Variants in ATP2C2 observed in about 807,000 individuals in gnomAD.
ATP2C2 encodes the protein ATPase secretory pathway Ca2+ transporting 2, also known as calcium-transporting ATPase type 2C member 2.
A neutral mutation model predicts 110.8 loss-of-function variants in ATP2C2; 171 were observed. The ratio of observed to expected loss-of-function variants is 1.54; its 90% CI spans 1.36 to 1.75. The LOEUF (loss-of-function observed/expected upper bound fraction) is 1.75, where lower values mean the gene tolerates loss of function less well. Among genes scored for constraint, ATP2C2 ranks in the 40% most tolerant of loss-of-function variants. The pLI, the probability that ATP2C2 is intolerant of heterozygous loss-of-function variation, is 0.00. For missense variants in ATP2C2, 1,963 were observed against 1,235.0 expected (o/e 1.59, Z -8.84); for synonymous variants, 804 against 508.4 (o/e 1.58, Z -7.82).
In ATP2C2 at chr16:84,408,637, C is replaced by G. The variant is rs952725950; in HGVS notation, c.417+143C>G. On this transcript the variant is annotated intron_variant, in intron 4 of 26. Transcript: ENST00000262429. ...ACAGAAGAAAGAAAGGAAAGCAAAT[C>G]CACATCCTTCTTTACCCTAATATCA... 9.1e-6 allele frequency: 6 copies of G among 657,700 alleles called. No individual in the cohort carries two copies. In the Admixed American group the frequency reaches 1.7e-4, roughly 19 times the overall value. The allele number at this position is 657,700 out of a possible 1,614,324, so 40.7% of individuals were successfully genotyped here. A position where few individuals can be genotyped will look rare whatever the true frequency, so the allele number is the denominator to read the frequency against.
intron 15 of ATP2C2, among the ~76,000 whole-genome samples, chr16:84,444,160 C>G (rs1295827732): frequency 3.1e-5 from 2 of 64,828 alleles, no homozygotes; most frequent in Non-Finnish European, 5.8e-5. Context: ...GAGATCCTGC[C>G]TCAAAAAAAA....
intron 17 of ATP2C2, among the ~76,000 whole-genome samples, chr16:84,450,096 G>A (rs938830973): frequency 7.2e-5 from 11 of 152,258 alleles, no homozygotes; most frequent in African/African-American, 2.4e-4. Flanking sequence ...GCGGGAGAGC[G>A]TAATGAGAAC....
chr16:84,453,294 C>T lies in ATP2C2; in HGVS notation c.1930-27C>T, dbSNP rs754656875. The T allele has an allele frequency of 4.3e-6, 7 of 1,613,990 alleles. 1 individual carries two copies. The highest frequency in any genetic ancestry group is 2.7e-5 in the African/African-American group (2 of 74,880). ...TGGGTCACAGCTTTGAAATCTGATT[C>T]TTCGTCTTCCCCGTCTCCGTGTCCA... is the stretch of plus-strand genomic sequence containing the variant. On this transcript the variant is annotated intron_variant, in intron 19 of 26. Coordinates refer to ENST00000262429, the MANE Select transcript of ATP2C2 (RefSeq NM_014861.4).
intron 11 of ATP2C2, among the ~76,000 whole-genome samples, chr16:84,436,410 C>T (rs540305792): frequency 6.6e-6 from 1 of 152,108 alleles, no homozygotes; most frequent in Non-Finnish European, 1.5e-5. Flanking sequence ...ATTTCCTGGG[C>T]AGCCTGGCCC....
At chr16:84,438,381 C>A (rs973718898) in intron 11 of ATP2C2, among the ~76,000 whole-genome samples, 1 of 152,180 alleles carries the variant, frequency 6.6e-6, no homozygotes, top group Non-Finnish European at 1.5e-5. Context: ...TGGGGCCAGT[C>A]AGCCCCGATG....
chr16:84,372,943 A>C (rs564234189), intron 1 of ATP2C2, among the ~76,000 whole-genome samples: 3 of 151,398 alleles, frequency 2.0e-5, no homozygotes, highest in Non-Finnish European at 4.4e-5. Context: ...CAATATGGTG[A>C]AACCCCTCTC....
At chr16:84,376,145 C>T (rs1023187945) in intron 1 of ATP2C2, among the ~76,000 whole-genome samples, 6 of 151,974 alleles carry the variant, frequency 3.9e-5, no homozygotes, top group East Asian at 1.9e-4. Flanking sequence ...CGACCCCTTG[C>T]GGCTTCCCAA....
chr16:84,369,647 A>G (rs1289916217), intron 1 of ATP2C2, among the ~76,000 whole-genome samples: 1 of 152,216 alleles, frequency 6.6e-6, no homozygotes, highest in African/African-American at 2.4e-5. Context: ...TTACCTTTTA[A>G]TTAAAAAAAG....
chr16:84,423,599 A>T (rs1907550251), intron 10 of ATP2C2, among the ~76,000 whole-genome samples: 1 of 152,154 alleles, frequency 6.6e-6, no homozygotes. Context: ...CCCCTGTTAC[A>T]TTGCTGCTCT....
At chr16:84,419,409 C>T (rs1907128561) in intron 7 of ATP2C2, among the ~76,000 whole-genome samples, 1 of 152,060 alleles carries the variant, frequency 6.6e-6, no homozygotes, top group Non-Finnish European at 1.5e-5. Flanking sequence ...TCCGTCCTCC[C>T]CTCCCTTATG....
chr16:84,448,654 A>T lies in ATP2C2; in HGVS notation c.1625A>T (p.Gln542Leu). ...CCCCAGCAGAGGTCATTCTGCCTGC[A>T]GGAAGAGAAGAGGATGGGGTCGCTC... ...LTPQQRSFCL[Q>L]EEKRMGSLGL... The change falls in exon 17 of 27, where the codon CAG (glutamine) becomes CTG (leucine). Residue 542 changes from glutamine to leucine, a missense_variant. Coordinates refer to ENST00000262429, the MANE Select transcript of ATP2C2 (RefSeq NM_014861.4). The T allele has an allele frequency of 6.2e-7, 1 of 1,613,926 alleles. No individual in the cohort carries two copies. The highest frequency in any genetic ancestry group is 1.1e-5 in the South Asian group (1 of 91,024).
chr16:84,459,809 C>G, intron 23 of ATP2C2: 1 of 501,100 alleles, frequency 2.0e-6, no homozygotes, highest in Non-Finnish European at 3.6e-6. Context: ...TGATCTGTCT[C>G]CCCTTTAGAA....
At chr16:84,385,947 C>G (rs546203838) in intron 1 of ATP2C2, among the ~76,000 whole-genome samples, 1 of 152,328 alleles carries the variant, frequency 6.6e-6, no homozygotes, top group South Asian at 2.1e-4. Context: ...ATTAAATATG[C>G]TATGATTTGT....
chr16:84,410,917 C>T, intron 6 of ATP2C2, 152 bp downstream of exon 6: 1 of 726,502 alleles, frequency 1.4e-6, no homozygotes. Flanking sequence ...TCTCCGCCTG[C>T]CAATAGGTCG....
intron 3 of ATP2C2, chr16:84,407,097 G>A (rs533049108): frequency 1.3e-5 from 2 of 152,128 alleles, no homozygotes; most frequent in Admixed American, 6.5e-5. Flanking sequence ...TTGCGTATAC[G>A]GGTTCTGTCT....
At chr16:84,384,868 G>A (rs1413219759) in intron 1 of ATP2C2, among the ~76,000 whole-genome samples, 1 of 152,170 alleles carries the variant, frequency 6.6e-6, no homozygotes, top group African/African-American at 2.4e-5. Flanking sequence ...TGGCCAACAT[G>A]GTGAAACCTG....
chr16:84,407,908 T>C (rs1438245199), intron 3 of ATP2C2, among the ~76,000 whole-genome samples: 1 of 152,216 alleles, frequency 6.6e-6, no homozygotes, highest in Non-Finnish European at 1.5e-5. Context: ...AGGGCAGATA[T>C]ATAAAATAAA....
intron 1 of ATP2C2, among the ~76,000 whole-genome samples, chr16:84,392,029 C>G (rs1904696183): frequency 6.6e-6 from 1 of 151,724 alleles, no homozygotes; most frequent in South Asian, 2.1e-4. Flanking sequence ...TCATATAACA[C>G]CTCTTTTCTC....
At chr16:84,395,848 C>T (rs1458515010) in intron 1 of ATP2C2, among the ~76,000 whole-genome samples, 1 of 152,072 alleles carries the variant, frequency 6.6e-6, no homozygotes, top group Admixed American at 6.6e-5. Context: ...ACATAAAATT[C>T]ACCATTTTAA....
Sources: gnomAD v4.1 joint callset for allele counts (sites outside exome capture counted in the v4.1 genomes callset) on GRCh38, gnomAD v4.1.1 for gene constraint, MANE v1.5 for transcripts, NCBI Gene and HGNC (gene_info 2026-07-23, HGNC 2026-07-21) for gene names.